The following SMIM8 variants were observed in gnomAD, a reference collection of about 807,000 sequenced individuals.
The protein encoded by SMIM8 is small integral membrane protein 8.
SMIM8 carries 8 observed loss-of-function variants against 8.1 expected under a neutral mutation model. The observed-to-expected ratio is 0.99, with a 90% confidence interval of 0.58 to 1.78. The LOEUF (loss-of-function observed/expected upper bound fraction) is 1.78, where lower values mean the gene tolerates loss of function less well. Ranked by LOEUF, SMIM8 falls within the 40% of genes most tolerant of loss-of-function variation. The probability of loss-of-function intolerance (pLI) is 0.00; values close to 1 mark genes in which losing one functional copy is unlikely to be tolerated. For synonymous variants in SMIM8, 45 were observed against 39.7 expected, an observed-to-expected ratio of 1.13 and a Z score of -0.50; for missense variants, 126 against 119.8, an observed-to-expected ratio of 1.05 and a Z score of -0.24.
At chr6:87,327,864 C>A (rs1311423567) in intron 1 of SMIM8, among the ~76,000 whole-genome samples, 1 of 149,662 alleles carries the variant, frequency 6.7e-6, no homozygotes, top group Non-Finnish European at 1.5e-5. Flanking sequence ...CAACTTGGTT[C>A]CATTCTCCCC....
chr6:87,335,941 G>C (rs1171220894), intron 2 of SMIM8, among the ~76,000 whole-genome samples: 3 of 151,324 alleles, frequency 2.0e-5, no homozygotes, highest in Non-Finnish European at 4.4e-5. Context: ...TTGAGCCCAG[G>C]TGTTTGAGGC....
chr6:87,323,678 T>C (rs972855569), intron 1 of SMIM8, among the ~76,000 whole-genome samples: 1 of 152,190 alleles, frequency 6.6e-6, no homozygotes, highest in Non-Finnish European at 1.5e-5. Flanking sequence ...CTATCATTGT[T>C]GGACATTTGG....
chr6:87,342,162 A>T lies in SMIM8; in HGVS notation c.*1888A>T. 6.6e-6 allele frequency: 1 copy of T among 152,212 alleles called. No individual in the cohort carries two copies. The highest frequency in any genetic ancestry group is 1.5e-5 in the Non-Finnish European group (1 of 68,036). The allele number at this position is 152,212 out of a possible 1,614,324, so 9.4% of individuals were successfully genotyped here. A position where few individuals can be genotyped will look rare whatever the true frequency, so the allele number is the denominator to read the frequency against. On this transcript the variant is annotated 3_prime_UTR_variant, in exon 4 of 4. Coordinates refer to ENST00000392863, the MANE Select transcript of SMIM8 (RefSeq NM_001042493.3). ...GAAAGAATCATACTGAATTTTAGGA[A>T]CAAGTACCTGACTATGATACTTTTT...
chr6:87,340,044 G>A (rs1777188309), intron 3 of SMIM8, 72 bp from the exon 4 acceptor site: 2 of 1,290,030 alleles, frequency 1.6e-6, no homozygotes, highest in Non-Finnish European at 2.1e-6. Context: ...CAGGAGGAAA[G>A]TGCAACCGAT....
chr6:87,336,127 C>T (rs1479776127), intron 2 of SMIM8, among the ~76,000 whole-genome samples: 4 of 152,278 alleles, frequency 2.6e-5, no homozygotes, highest in African/African-American at 7.2e-5. Context: ...ACAGCGATTG[C>T]AGCATTTCCC....
At chr6:87,325,376 C>G (rs1011540395) in intron 1 of SMIM8, among the ~76,000 whole-genome samples, 2 of 144,072 alleles carry the variant, frequency 1.4e-5, no homozygotes, top group African/African-American at 5.3e-5. Context: ...CAGTTTTTGC[C>G]CATTCAGTAT....
chr6:87,331,942 T>G (rs932084889), intron 2 of SMIM8, among the ~76,000 whole-genome samples: 2 of 152,184 alleles, frequency 1.3e-5, no homozygotes, highest in African/African-American at 4.8e-5. Flanking sequence ...TTTAAAAATA[T>G]ACATGTGAGT....
At position 87,335,232 on chromosome 6, in the gene SMIM8, T is replaced by C. The variant is rs114082002; in HGVS notation, c.-23-1777T>C. On this transcript the variant is annotated intron_variant, in intron 2 of 3. Transcript: ENST00000392863. The stretch of plus-strand genomic sequence containing the variant: ...GTAAGAAGACTGCAACTAAATGTGG[T>C]ATTTGAACCAATCTAGCACTCAACT... Among the ~76,000 whole-genome samples the C allele has an allele frequency of 7.7e-3, 1,167 of 152,304 alleles. 17 individuals carry two copies. Among genetic ancestry groups the C allele is most frequent in the African/African-American group, 0.026 (1,065 of 41,554 alleles).
chr6:87,331,862 A>G (rs1411401914), intron 2 of SMIM8, among the ~76,000 whole-genome samples: 2 of 152,186 alleles, frequency 1.3e-5, no homozygotes, highest in Non-Finnish European at 2.9e-5. Flanking sequence ...AATGATAAAT[A>G]ATAGAAAATG....
chr6:87,335,907 G>A (rs149748277), intron 2 of SMIM8, among the ~76,000 whole-genome samples: 169 of 150,552 alleles, frequency 1.1e-3, no homozygotes, highest in African/African-American at 4.0e-3. Context: ...CTAGCTACCT[G>A]GGAGGTTGAG....
intron 2 of SMIM8, among the ~76,000 whole-genome samples, chr6:87,332,663 G>T (rs1405594843): frequency 3.8e-5 from 1 of 26,518 alleles, no homozygotes; most frequent in African/African-American, 2.0e-4. Flanking sequence ...AATAAACTAT[G>T]CTCTGAGGAC....
intron 1 of SMIM8, 186 bp downstream of exon 1, chr6:87,322,818 A>G (rs1470696496): frequency 6.6e-6 from 1 of 151,912 alleles, no homozygotes; most frequent in Non-Finnish European, 1.5e-5. Flanking sequence ...CCCGCACCCC[A>G]AGTCGGTGAA....
intron 2 of SMIM8, among the ~76,000 whole-genome samples, chr6:87,333,769 T>C (rs890653730): frequency 6.6e-6 from 1 of 152,240 alleles, no homozygotes; most frequent in African/African-American, 2.4e-5. Flanking sequence ...TTGCATGATA[T>C]CAGGTTCATG....
intron 3 of SMIM8, 87 bp from the exon 4 acceptor site, chr6:87,340,029 C>A (rs1210995610): frequency 3.0e-6 from 3 of 985,136 alleles, no homozygotes; most frequent in African/African-American, 3.3e-5. Flanking sequence ...AAAGATGTGG[C>A]ATGTCAGGAG....
intron 3 of SMIM8, among the ~76,000 whole-genome samples, chr6:87,339,580 T>G (rs942780799): frequency 3.9e-5 from 6 of 152,118 alleles, no homozygotes; most frequent in Non-Finnish European, 8.8e-5. Flanking sequence ...TGGAGTAGTT[T>G]CCCAGAGAAG....
Position 87,337,137 on chromosome 6 carries a change from G to T in SMIM8, c.106G>T (p.Ala36Ser), listed in dbSNP as rs541676119. The T allele has an allele frequency of 1.2e-6, 2 of 1,612,520 alleles. No homozygotes were observed. Among genetic ancestry groups the T allele is most frequent in the African/African-American group, 1.3e-5 (1 of 74,894 alleles). ...RGVRTTTLFRAVNPELFIKPN... is the reference protein window; with the variant it reads ...RGVRTTTLFRSVNPELFIKPN... ...GGTGCGCACAACAACCTTATTTCGT[G>T]CTGTGAATCCAGAGCTCTTCATTAA... Residue 36 changes from alanine (A) to serine (S), a missense_variant, in exon 3 of 4, where the codon GCT becomes TCT. Ala to Ser is a moderately conservative substitution (Grantham distance 99). Coordinates refer to ENST00000392863, the MANE Select transcript of SMIM8 (RefSeq NM_001042493.3).
rs1362559744 is a variant in SMIM8, at chr6:87,325,503, G to T, written c.-45+2871G>T. Among the ~76,000 whole-genome samples the T allele has an allele frequency of 2.3e-4, 34 of 146,102 alleles. 1 individual carries two copies. The East Asian group carries it at 6.0e-3, about 26-fold the overall frequency. ...GGTTATTGAATTTTGTCAAAGGCCT[G>T]TCTGCATCTATTGAGATAATCATGT... On this transcript the variant is annotated intron_variant, in intron 1 of 3. Coordinates refer to ENST00000392863, the MANE Select transcript of SMIM8 (RefSeq NM_001042493.3).
chr6:87,339,753 A>G (rs1452411083), intron 3 of SMIM8, among the ~76,000 whole-genome samples: 1 of 152,314 alleles, frequency 6.6e-6, no homozygotes, highest in East Asian at 1.9e-4. Context: ...CCCAGGACCC[A>G]GGAAGTTAAG....
intron 2 of SMIM8, among the ~76,000 whole-genome samples, chr6:87,336,190 C>G (rs1377103602): frequency 6.6e-6 from 1 of 152,106 alleles, no homozygotes; most frequent in Non-Finnish European, 1.5e-5. Context: ...AGCTTTCTTT[C>G]TCTACCTCCC....
Sources: gnomAD v4.1 joint callset for allele counts (sites outside exome capture counted in the v4.1 genomes callset) on GRCh38, gnomAD v4.1.1 for gene constraint, MANE v1.5 for transcripts, NCBI Gene and HGNC (gene_info 2026-07-23, HGNC 2026-07-21) for gene names.